The following NDUFAF6 variants were observed in gnomAD, a reference collection of about 807,000 sequenced individuals.
NDUFAF6 encodes NADH dehydrogenase (ubiquinone) complex I, assembly factor 6.
Under a neutral mutation model 40.8 loss-of-function variants are expected in NDUFAF6, and 45 were observed. The ratio of observed to expected loss-of-function variants is 1.10; its 90% CI spans 0.87 to 1.42. The LOEUF (loss-of-function observed/expected upper bound fraction) is 1.42. Among genes scored for constraint, NDUFAF6 ranks in the 40% most tolerant of loss-of-function variants. The pLI is 0.00. For missense variants in NDUFAF6, 435 were observed against 418.5 expected, an observed-to-expected ratio of 1.04 and a Z score of -0.34; for synonymous variants, 185 against 155.9, an observed-to-expected ratio of 1.19 and a Z score of -1.39.
At chr8:95,087,237 T>C (rs1001885072) in intron 2 of NDUFAF6, among the ~76,000 whole-genome samples, 1 of 152,198 alleles carries the variant, frequency 6.6e-6, no homozygotes, top group Non-Finnish European at 1.5e-5. Flanking sequence ...CATACTTGCA[T>C]CTTCCGTTTT....
intron 2 of NDUFAF6, 121 bp from the exon 3 acceptor site, chr8:95,035,333 G>C: frequency 2.1e-6 from 2 of 967,634 alleles, no homozygotes; most frequent in Non-Finnish European, 3.2e-6. Flanking sequence ...ATGTAGTCAT[G>C]TATTTATCAC....
intron 2 of NDUFAF6, among the ~76,000 whole-genome samples, chr8:95,101,911 G>A (rs993303938): frequency 6.6e-6 from 1 of 152,178 alleles, no homozygotes; most frequent in Non-Finnish European, 1.5e-5. Context: ...GGTGTCACCT[G>A]CCATCTGTGT....
In NDUFAF6 at chr8:94,898,420, C is replaced by T. The variant is rs941108328; in HGVS notation, c.-936+2493C>T. ...GCTGGTCAAGTATTTTGTAGGCTAA[C>T]CATGCGACAAAAACATCAGATGAAT... On this transcript the variant is annotated intron_variant, in intron 1 of 14. Transcript: ENST00000396113. 2.0e-5 allele frequency among the ~76,000 whole-genome samples: 3 copies of T among 152,240 alleles called. No homozygotes were observed. The South Asian group carries it at 6.2e-4, about 32-fold the overall frequency.
At chr8:95,105,054 CACACACACACACAGAGAGAGAGAGAG>C (rs1809781139), downstream of NDUFAF6, among the ~76,000 whole-genome samples, 2 of 59,994 alleles carry the variant, frequency 3.3e-5, no homozygotes, top group Non-Finnish European at 6.0e-5. Flanking sequence ...CACACACACA[CACACACACACACAGAGAGAGAGAGAG>C]AGAGAGAGAG....
At position 95,045,519 on chromosome 8, in the gene NDUFAF6, CTT is replaced by C. The variant is rs769025774; in HGVS notation, c.478-24_478-23del. The C allele has an allele frequency of 7.2e-6, 11 of 1,538,014 alleles. No individual in the cohort carries two copies. In the African/African-American group the frequency reaches 8.2e-5, roughly 11 times the overall value. ...TCTAAAATATTGACAGTTCAACAGA[CTT>C]TATTTGCATTTTATTTGATGTAGGA... is the stretch of plus-strand genomic sequence containing the variant. On this transcript the variant is annotated intron_variant, in intron 4 of 8. Transcript: ENST00000396124.
intron 1 of NDUFAF6, among the ~76,000 whole-genome samples, chr8:95,027,879 C>T (rs560599658): frequency 1.3e-5 from 2 of 152,194 alleles, no homozygotes; most frequent in African/African-American, 4.8e-5. Flanking sequence ...GCCATAACTT[C>T]GGGTTCACCA....
intron 2 of NDUFAF6, among the ~76,000 whole-genome samples, chr8:95,009,058 G>A (rs1161384581): frequency 6.6e-6 from 1 of 152,020 alleles, no homozygotes; most frequent in Admixed American, 6.6e-5. Context: ...AAATTAGCCT[G>A]GCTTGGTGGC....
At chr8:94,909,083 T>C (rs1483809658) in intron 1 of NDUFAF6, among the ~76,000 whole-genome samples, 3 of 152,218 alleles carry the variant, frequency 2.0e-5, no homozygotes, top group African/African-American at 4.8e-5. Flanking sequence ...CAGTGGCACA[T>C]ACCTGTAATT....
chr8:95,047,143 G>A lies in NDUFAF6; in HGVS notation c.714+16G>A. On this transcript the variant is annotated intron_variant, in intron 6 of 8. Transcript: ENST00000396124. The stretch of plus-strand genomic sequence containing the variant: ...TTGTATGCTGGTAAGGCTGTAATTT[G>A]TACCTTTGAATAATTTACCTCAGGA... 6.2e-7 allele frequency: 1 copy of A among 1,614,070 alleles called. No individual in the cohort carries two copies. The highest frequency in any genetic ancestry group is 1.6e-4 in the Middle Eastern group (1 of 6,062).
chr8:95,106,864 C>A (rs182827749), downstream of NDUFAF6, among the ~76,000 whole-genome samples: 2 of 152,214 alleles, frequency 1.3e-5, no homozygotes, highest in Non-Finnish European at 2.9e-5. Flanking sequence ...ATTTATGTGG[C>A]CAACAAACAT....
At chr8:94,919,086 C>T (rs1335760269) in intron 1 of NDUFAF6, among the ~76,000 whole-genome samples, 1 of 152,092 alleles carries the variant, frequency 6.6e-6, no homozygotes, top group African/African-American at 2.4e-5. Context: ...ATGTTATTTC[C>T]AGCTTAAAGA....
intron 2 of NDUFAF6, among the ~76,000 whole-genome samples, chr8:95,007,381 T>C (rs1827038449): frequency 1.3e-5 from 2 of 151,842 alleles, no homozygotes; most frequent in South Asian, 2.1e-4. Context: ...TAAAAATCCA[T>C]GCGCCAGGCA....
chr8:95,112,243 C>T (rs959302838), intron 4 of NDUFAF6, among the ~76,000 whole-genome samples: 11 of 152,094 alleles, frequency 7.2e-5, no homozygotes, highest in Admixed American at 6.6e-4. Flanking sequence ...AATCTGAACC[C>T]CCAGAACCTG....
intron 9 of NDUFAF6, chr8:95,068,690 A>G (rs1437256290): frequency 2.0e-5 from 3 of 151,824 alleles, no homozygotes; most frequent in Non-Finnish European, 4.4e-5. Context: ...TGAGACAGTA[A>G]CAACACGACA....
intron 2 of NDUFAF6, among the ~76,000 whole-genome samples, chr8:95,007,346 A>G (rs1328432184): frequency 6.6e-6 from 1 of 152,190 alleles, no homozygotes; most frequent in African/African-American, 2.4e-5. Flanking sequence ...TGTGCCAATA[A>G]GGATATAGTT....
downstream of NDUFAF6, among the ~76,000 whole-genome samples, chr8:95,060,859 C>G (rs188218860): frequency 6.6e-6 from 1 of 152,224 alleles, no homozygotes; most frequent in East Asian, 1.9e-4. Flanking sequence ...GTAATTACTA[C>G]ATAAGTTCCA....
At chr8:95,115,186 T>G (rs1350401749) in intron 4 of NDUFAF6, among the ~76,000 whole-genome samples, 5 of 152,232 alleles carry the variant, frequency 3.3e-5, no homozygotes, top group African/African-American at 1.2e-4. Context: ...TCTAATTTAT[T>G]CATCATTTCT....
chr8:94,968,271 C>T (rs1025915858), intron 1 of NDUFAF6, among the ~76,000 whole-genome samples: 1 of 152,126 alleles, frequency 6.6e-6, no homozygotes, highest in Non-Finnish European at 1.5e-5. Context: ...GGCATGAATA[C>T]CAGGAAGTTC....
chr8:94,913,945 C>T (rs1400897984), intron 1 of NDUFAF6, among the ~76,000 whole-genome samples: 1 of 152,140 alleles, frequency 6.6e-6, no homozygotes, highest in African/African-American at 2.4e-5. Flanking sequence ...GCATGCACCA[C>T]CACGCCCAGC....
Sources: allele counts gnomAD v4.1 joint callset (sites outside exome capture counted in the v4.1 genomes callset), GRCh38; gene constraint gnomAD v4.1.1; transcripts MANE v1.5; gene names NCBI Gene and HGNC (gene_info 2026-07-23, HGNC 2026-07-21).